Variants in PHOX2B observed in about 807,000 individuals in gnomAD.
PHOX2B encodes paired mesoderm homeobox protein 2B.
In PHOX2B, 1 loss-of-function variant was observed where a neutral mutation model predicts 15.5. The ratio of observed to expected loss-of-function variants is 0.06; its 90% CI spans 0.02 to 0.31. The LOEUF (loss-of-function observed/expected upper bound fraction) is 0.31. Among genes scored for constraint, PHOX2B ranks in the 10% least tolerant of loss-of-function variants. PHOX2B has a pLI of 1.00. For missense variants in PHOX2B, 314 were observed against 436.4 expected (o/e 0.72, Z 2.50); for synonymous variants, 206 against 190.5 (o/e 1.08, Z -0.67).
rs1445647222 is a variant in PHOX2B, at chr4:41,748,659, T to A, written c.-49A>T. The stretch of plus-strand genomic sequence containing the variant: ...CCAAGTGGAAAAATGAAATAAAAGA[T>A]GGATATGGAGAAGGTGGCTGGAGTG... On this transcript the variant is annotated 5_prime_UTR_variant, in exon 1 of 3. Coordinates refer to ENST00000226382, the MANE Select transcript of PHOX2B (RefSeq NM_003924.4). 8 of 1,590,674 alleles carry A rather than the reference T, an allele frequency of 5.0e-6. No homozygotes were observed. Among genetic ancestry groups the A allele is most frequent in the Non-Finnish European group, 6.9e-6 (8 of 1,161,192 alleles).
At chr4:41,748,186 G>C (rs2153113019) in intron 1 of PHOX2B, 184 bp downstream of exon 1, 4 of 664,740 alleles carry the variant, frequency 6.0e-6, no homozygotes, top group East Asian at 2.7e-5. Context: ...GACTAGGATA[G>C]TGTAACCCTG....
rs1233378399 is a variant in PHOX2B, at chr4:41,747,330, G to A, written c.429+19C>T. ...CGGACCAGTGCGGCGGAGCGGGGTC[G>A]GTTTCCAGGCGCGCGTACCTGGACT... On this transcript the variant is annotated intron_variant, in intron 2 of 2. Coordinates refer to ENST00000226382, the MANE Select transcript of PHOX2B (RefSeq NM_003924.4). 2.5e-6 allele frequency: 4 copies of A among 1,598,236 alleles called. No individual in the cohort carries two copies. The highest frequency in any genetic ancestry group is 2.2e-5 in the East Asian group (1 of 44,836).
At position 41,745,740 on chromosome 4, in the gene PHOX2B, C is replaced by T. The variant is rs1212119186; in HGVS notation, c.*67G>A. 3 of 1,551,202 alleles carry T rather than the reference C, an allele frequency of 1.9e-6. No individual in the cohort carries two copies. In the East Asian group the frequency reaches 7.1e-5, roughly 37 times the overall value. The stretch of plus-strand genomic sequence containing the variant: ...AATAGCCTTGGGCCTACCCGCTCGC[C>T]CACTCGCCCGCCCGGGCCCTGGCTC... On this transcript the variant is annotated 3_prime_UTR_variant, in exon 3 of 3. Coordinates refer to ENST00000226382, the MANE Select transcript of PHOX2B (RefSeq NM_003924.4). This position sits in a 1 kb window ranked among gnomAD's most constrained non-coding sequence, Gnocchi z 4.0.
At chr4:41,747,601 A>G in intron 1 of PHOX2B, 65 bp from the exon 2 acceptor site, 1 of 1,384,630 alleles carries the variant, frequency 7.2e-7, no homozygotes, top group Non-Finnish European at 1.0e-6. Flanking sequence ...CCGTGGAGCT[A>G]GAATGTGAGG....
Position 41,748,412 on chromosome 4 carries a change from G to A in PHOX2B, c.199C>T (p.Leu67=). 6.2e-7 allele frequency: 1 copy of A among 1,614,140 alleles called. No homozygotes were observed. Among genetic ancestry groups the A allele is most frequent in the South Asian group, 1.1e-5 (1 of 91,072 alleles). The part of the protein sequence containing the change: ...CPSLTPGSCS[L]GTLRDHQSSP... ...CTCTGGTGGTCCCTGAGGGTGCCCA[G>A]GCTGCAGGATCCCGGCGTGAGGGAA... is the stretch of plus-strand genomic sequence containing the variant. Residue 67 remains leucine, a synonymous_variant, in exon 1 of 3, where the codon CTG becomes TTG. Coordinates refer to ENST00000226382, the MANE Select transcript of PHOX2B (RefSeq NM_003924.4).
In PHOX2B at chr4:41,745,047, G is replaced by A; in HGVS notation, c.*760C>T. 1 of 233,138 alleles carries A rather than the reference G, an allele frequency of 4.3e-6. No individual in the cohort carries two copies. The highest frequency in any genetic ancestry group is 8.5e-6 in the Non-Finnish European group (1 of 118,038). The allele number at this position is 233,138 out of a possible 1,614,324, so 14.4% of individuals were successfully genotyped here. On this transcript the variant is annotated 3_prime_UTR_variant, in exon 3 of 3. Transcript: ENST00000226382. The surrounding 1 kb of genome is among the most constrained non-coding windows in gnomAD (Gnocchi z 4.0). ...CAAGGGGGTGCGAGAAAGTCACTCC[G>A]GCCGCCGGGACAGTCTGAGCAAGTC...
At position 41,748,705 on chromosome 4, in the gene PHOX2B, C is replaced by T; in HGVS notation, c.-95G>A. ...GAGTGGGGAGATGTGCACAGCTCAA[C>T]GCCTGCCTCCAAACTGGCCTCCTTA... On this transcript the variant is annotated 5_prime_UTR_variant, in exon 1 of 3. Coordinates refer to ENST00000226382, the MANE Select transcript of PHOX2B (RefSeq NM_003924.4). 2 of 1,201,580 alleles carry T rather than the reference C, an allele frequency of 1.7e-6. No individual in the cohort carries two copies. The highest frequency in any genetic ancestry group is 2.4e-6 in the Non-Finnish European group (2 of 824,678). The allele number at this position is 1,201,580 out of a possible 1,614,324, so 74.4% of individuals were successfully genotyped here.
chr4:41,746,060 C>A lies in PHOX2B; in HGVS notation c.692G>T (p.Gly231Val). The change falls in exon 3 of 3, where the codon GGC (glycine) becomes GTC (valine). Residue 231 changes from glycine (G) to valine (V), a missense_variant. Gly to Val is a moderately radical substitution (Grantham distance 109, BLOSUM62 -3). Coordinates refer to ENST00000226382, the MANE Select transcript of PHOX2B (RefSeq NM_003924.4). ...AGAPGAAGPG[G>V]PGGEPGKGGA... Reference sequence around the variant, plus strand: ...GCCCTTGCCGGGTTCGCCTCCCGGGCCCCCGGGCCCCGCCGCCCCCGGAGC... The same window carrying A: ...GCCCTTGCCGGGTTCGCCTCCCGGGACCCCGGGCCCCGCCGCCCCCGGAGC... The A allele has an allele frequency of 7.4e-7, 1 of 1,355,860 alleles. No homozygotes were observed. Among genetic ancestry groups the A allele is most frequent in the Non-Finnish European group, 9.4e-7 (1 of 1,061,642 alleles). 84.0% of individuals were successfully genotyped at this position (1,355,860 alleles called of 1,614,324 possible).
chr4:41,746,254 C>T lies in PHOX2B; in HGVS notation c.498G>A (p.Ala166=), dbSNP rs769236699. The T allele has an allele frequency of 6.2e-7, 1 of 1,613,798 alleles. No individual in the cohort carries two copies. Among genetic ancestry groups the T allele is most frequent in the Non-Finnish European group, 8.5e-7 (1 of 1,179,888 alleles). Residue 166 remains alanine (A), a synonymous_variant, in exon 3 of 3, where the codon GCG becomes GCA. Transcript: ENST00000226382. ...QERAAAAAAA[A]AKNGSSGKKS... ...TTTTGCCCGAGGAGCCGTTCTTGGC[C>T]GCGGCCGCTGCGGCTGCCGCTGCGC... is the stretch of plus-strand genomic sequence containing the variant.
rs2153113080 is a variant in PHOX2B, at chr4:41,748,585, A to T, written c.26T>A (p.Leu9His). The change falls in exon 1 of 3, where the codon CTC becomes CAC. Residue 9 changes from leucine to histidine, a missense_variant. Leu to His is a moderately conservative substitution (Grantham distance 99). Coordinates refer to ENST00000226382, the MANE Select transcript of PHOX2B (RefSeq NM_003924.4). MYKMEYSY[L>H]NSSAYESCMA... ...ACAGGACTCGTAGGCAGAGGAATTGAGGTAAGAATATTCCATTTTATACAT... is the reference window on the plus strand; with the variant it reads ...ACAGGACTCGTAGGCAGAGGAATTGTGGTAAGAATATTCCATTTTATACAT... 6.2e-7 allele frequency: 1 copy of T among 1,613,056 alleles called. No homozygotes were observed. Among genetic ancestry groups the T allele is most frequent in the Non-Finnish European group, 8.5e-7 (1 of 1,179,014 alleles).
Position 41,745,707 on chromosome 4 carries a change from GCGA to G in PHOX2B, c.*97_*99del, listed in dbSNP as rs1295212206. ...CCTCAATGAAAAAGCCATGGCAGCA[GCGA>G]CGACAATAGCCTTGGGCCTACCCGC... On this transcript the variant is annotated 3_prime_UTR_variant, in exon 3 of 3. Coordinates refer to ENST00000226382, the MANE Select transcript of PHOX2B (RefSeq NM_003924.4). The surrounding 1 kb of genome is among the most constrained non-coding windows in gnomAD (Gnocchi z 4.0). 3.5e-6 allele frequency: 5 copies of G among 1,432,202 alleles called. No homozygotes were observed. The highest frequency in any genetic ancestry group is 1.3e-5 in the South Asian group (1 of 75,576). The allele number at this position is 1,432,202 out of a possible 1,614,324, so 88.7% of individuals were successfully genotyped here.
At chr4:41,748,149 A>G (rs1429032609) in intron 1 of PHOX2B, 25 of 595,522 alleles carry the variant, frequency 4.2e-5, no homozygotes, top group Middle Eastern at 4.4e-4. Flanking sequence ...TGGCAGCTTA[A>G]GATAATTTTG....
In PHOX2B at chr4:41,745,977, C is replaced by T. The variant is rs773873721; in HGVS notation, c.775G>A (p.Ala259Thr). ...AAAAAAAAAA[A>T]AGGLAAAGGP... ...CCAGCCGCAGCCAGGCCTCCAGCTG[C>T]CGCCGCTGCCGCTGCCGCCGCCGCC... Residue 259 changes from alanine to threonine, a missense_variant, in exon 3 of 3, where the codon GCA becomes ACA. Ala to Thr is a moderately conservative substitution (Grantham distance 58). Coordinates refer to ENST00000226382, the MANE Select transcript of PHOX2B (RefSeq NM_003924.4). This position sits in a 1 kb window ranked among gnomAD's most constrained non-coding sequence, Gnocchi z 4.0. 7.8e-7 allele frequency: 1 copy of T among 1,285,242 alleles called. No homozygotes were observed. Among genetic ancestry groups the T allele is most frequent in the Non-Finnish European group, 9.8e-7 (1 of 1,019,508 alleles). 79.6% of individuals were successfully genotyped at this position (1,285,242 alleles called of 1,614,324 possible).
rs1733846616 is a variant in PHOX2B, at chr4:41,745,244, T to TGCAGG, written c.*562_*563insCCTGC. On this transcript the variant is annotated 3_prime_UTR_variant, in exon 3 of 3. Coordinates refer to ENST00000226382, the MANE Select transcript of PHOX2B (RefSeq NM_003924.4). This position sits in a 1 kb window ranked among gnomAD's most constrained non-coding sequence, Gnocchi z 4.0. The stretch of plus-strand genomic sequence containing the variant: ...CAGCTGCAGCTTCTCCCCTAGCCCC[T>TGCAGG]CCTTTAATTTGTCTTTTTTTTCCTT... 1 of 233,446 alleles carries TGCAGG rather than the reference T, an allele frequency of 4.3e-6. No homozygotes were observed. The highest frequency in any genetic ancestry group is 8.5e-6 in the Non-Finnish European group (1 of 118,282). The allele number at this position is 233,446 out of a possible 1,614,324, so 14.5% of individuals were successfully genotyped here.
rs921963841 is a variant in PHOX2B at position 41,744,225 on chromosome 4, A to G, written c.*1582T>C. 13 of 214,454 alleles carry G rather than the reference A, an allele frequency of 6.1e-5. No homozygotes were observed. 13.3% of individuals were successfully genotyped at this position (214,454 alleles called of 1,614,324 possible). On this transcript the variant is annotated 3_prime_UTR_variant, in exon 3 of 3. Transcript: ENST00000226382. ...AATAAATTCAAAAATCTGAAACATA[A>G]CTTATGACAATTATGTTCACAAACA...
chr4:41,746,275 T>G lies in PHOX2B; in HGVS notation c.477A>C (p.Ala159=), dbSNP rs1474954713. Residue 159 remains alanine (A), a synonymous_variant, in exon 3 of 3, where the codon GCA becomes GCC. Coordinates refer to ENST00000226382, the MANE Select transcript of PHOX2B (RefSeq NM_003924.4). ...RRAKFRKQER[A]AAAAAAAAKN... ...TGGCCGCGGCCGCTGCGGCTGCCGCTGCGCGCTCCTGCTTGCGAAACTTGG... is the reference window on the plus strand; with the variant it reads ...TGGCCGCGGCCGCTGCGGCTGCCGCGGCGCGCTCCTGCTTGCGAAACTTGG... 5 of 1,613,884 alleles carry G rather than the reference T, an allele frequency of 3.1e-6. No individual in the cohort carries two copies. The highest frequency in any genetic ancestry group is 4.2e-6 in the Non-Finnish European group (5 of 1,179,902).
rs1173248729 is a variant in PHOX2B, at chr4:41,747,345, G to T, written c.429+4C>A. ...GAGCGGGGTCGGTTTCCAGGCGCGC[G>T]TACCTGGACTCGCGCCTCTGTGAGG... On this transcript the variant is annotated splice_donor_region_variant and intron_variant, in intron 2 of 2. Transcript: ENST00000226382. The T allele has an allele frequency of 2.4e-5, 38 of 1,604,256 alleles. No individual in the cohort carries two copies. Among genetic ancestry groups the T allele is most frequent in the Non-Finnish European group, 3.1e-5 (37 of 1,179,314 alleles).
At chr4:41,747,800 G>T in intron 1 of PHOX2B, 1 of 659,432 alleles carries the variant, frequency 1.5e-6, no homozygotes, top group Non-Finnish European at 2.8e-6. Context: ...TGACGGACTT[G>T]AGATAGTGCT....
rs779251110 is a variant in PHOX2B at position 41,748,512 on chromosome 4, G to A, written c.99C>T (p.Phe33=). The change falls in exon 1 of 3, where the codon TTC becomes TTT. Residue 33 remains phenylalanine, a synonymous_variant. Transcript: ENST00000226382. ...AGCCACTGGCCTGGCTGCAGGAACT[G>A]AAGTCAGCATAGGCTGAAGCCAGGC... ...TSSLASAYAD[F]SSCSQASGFQ... is the part of the protein sequence containing the mutation. 1.9e-6 allele frequency: 3 copies of A among 1,614,224 alleles called. No individual in the cohort carries two copies. The highest frequency in any genetic ancestry group is 1.3e-5 in the African/African-American group (1 of 75,072).
Sources: gnomAD v4.1 joint callset for allele counts on GRCh38, gnomAD v4.1.1 for gene constraint, Gnocchi (gnomAD v3.1) non-coding constraint, MANE v1.5 for transcripts, NCBI Gene and HGNC (gene_info 2026-07-23, HGNC 2026-07-21) for gene names.